MAPK10: variants seen among roughly 807,000 people sequenced by gnomAD.
MAPK10 encodes mitogen-activated protein kinase 10, also known as JNK3 alpha protein kinase.
Under a neutral mutation model 59.3 loss-of-function variants are expected in MAPK10, and 25 were observed. The ratio of observed to expected loss-of-function variants is 0.42; its 90% CI spans 0.31 to 0.59. MAPK10 has a LOEUF of 0.59. Ranked by LOEUF, MAPK10 falls within the 20% of genes least tolerant of loss-of-function variation. The pLI is 0.15. For synonymous variants in MAPK10, 190 were observed against 200.5 expected (o/e 0.95, Z 0.44); for missense variants, 351 against 568.9 (o/e 0.62, Z 3.90).
intron 1 of MAPK10, among the ~76,000 whole-genome samples, chr4:86,512,596 AAT>A (rs1756363072): frequency 6.6e-6 from 1 of 152,188 alleles, no homozygotes; most frequent in Non-Finnish European, 1.5e-5. Flanking sequence ...GAAAAGCTAT[AAT>A]ATATGTGTTA....
At chr4:86,140,835 A>G (rs1383380851) in intron 4 of MAPK10, among the ~76,000 whole-genome samples, 6 of 152,184 alleles carry the variant, frequency 3.9e-5, no homozygotes, top group African/African-American at 1.2e-4. Context: ...AGACTTAGTA[A>G]TTACTTCCCA....
At chr4:86,548,365 A>G (rs1463071744) in intron 1 of MAPK10, among the ~76,000 whole-genome samples, 1 of 152,150 alleles carries the variant, frequency 6.6e-6, no homozygotes, top group Non-Finnish European at 1.5e-5. Flanking sequence ...CACCTTTAAG[A>G]ACTGTAACAC....
intron 4 of MAPK10, among the ~76,000 whole-genome samples, chr4:86,114,159 A>C (rs1170933101): frequency 6.6e-6 from 1 of 152,200 alleles, no homozygotes; most frequent in African/African-American, 2.4e-5. Context: ...GGGTTAGAAC[A>C]TATTCCTTTA....
intron 1 of MAPK10, among the ~76,000 whole-genome samples, chr4:86,578,007 T>A (rs1022558895): frequency 6.6e-6 from 1 of 152,196 alleles, no homozygotes; most frequent in African/African-American, 2.4e-5. Context: ...TTAATACCTA[T>A]ATTAATAAGG....
At chr4:86,467,593 C>G (rs1752315737) in intron 1 of MAPK10, among the ~76,000 whole-genome samples, 1 of 152,094 alleles carries the variant, frequency 6.6e-6, no homozygotes, top group African/African-American at 2.4e-5. Context: ...AATCTTGGCT[C>G]ACTGCAACCT....
At chr4:86,375,782 A>C (rs1204756268) in intron 1 of MAPK10, among the ~76,000 whole-genome samples, 1 of 151,550 alleles carries the variant, frequency 6.6e-6, no homozygotes, top group African/African-American at 2.4e-5. Flanking sequence ...TAAATATAAC[A>C]GTCAAATAGA....
At chr4:86,576,021 G>GTGTA (rs1554284005) in intron 1 of MAPK10, among the ~76,000 whole-genome samples, 2 of 148,734 alleles carry the variant, frequency 1.3e-5, no homozygotes. Flanking sequence ...GTGTGTGTGT[G>GTGTA]TATTATATAT....
At chr4:86,567,460 T>C (rs1342218921) in intron 1 of MAPK10, among the ~76,000 whole-genome samples, 1 of 152,172 alleles carries the variant, frequency 6.6e-6, no homozygotes, top group Non-Finnish European at 1.5e-5. Context: ...CCTCAGGTGA[T>C]CCACCCGCCT....
At position 86,396,336 on chromosome 4, in the gene MAPK10, G is replaced by C. The variant is rs538042877; in HGVS notation, c.-121-41692C>G. Among the ~76,000 whole-genome samples the C allele has an allele frequency of 7.9e-5, 12 of 152,284 alleles. No individual in the cohort carries two copies. In the East Asian group the frequency reaches 1.9e-3, roughly 25 times the overall value. On this transcript the variant is annotated intron_variant, in intron 1 of 13. Transcript: ENST00000361569. ...CACTCCAGCCTGGGCAAGAGTGCGA[G>C]ACTCTGTCTCAAAAAAAAGAAAGAA...
chr4:86,439,056 C>A (rs1288680092), intron 1 of MAPK10, among the ~76,000 whole-genome samples: 2 of 152,046 alleles, frequency 1.3e-5, no homozygotes, highest in African/African-American at 4.8e-5. Flanking sequence ...ATGATATTTT[C>A]TTTTTCCTGT....
chr4:86,049,659 T>A (rs1380183841), intron 11 of MAPK10, among the ~76,000 whole-genome samples: 1 of 152,088 alleles, frequency 6.6e-6, no homozygotes, highest in East Asian at 1.9e-4. Context: ...ACTTTCACAT[T>A]TTTTTCCTTT....
chr4:86,373,140 C>A (rs72663972), intron 1 of MAPK10, among the ~76,000 whole-genome samples: 42,377 of 151,916 alleles, frequency 0.28, 6,674 homozygotes, highest in Non-Finnish European at 0.35. Context: ...ACAAACCTCA[C>A]AAAAATAAGC....
intron 1 of MAPK10, among the ~76,000 whole-genome samples, chr4:86,582,813 G>C (rs1289447196): frequency 6.6e-6 from 1 of 151,898 alleles, no homozygotes; most frequent in African/African-American, 2.4e-5. Flanking sequence ...TAAGATTTTT[G>C]CATTTTAGTT....
At chr4:86,326,441 C>G (rs1037412414) in intron 2 of MAPK10, 1 of 152,102 alleles carries the variant, frequency 6.6e-6, no homozygotes, top group African/African-American at 2.4e-5. Flanking sequence ...CAATGGCTTC[C>G]CTGAGAGATG....
intron 2 of MAPK10, among the ~76,000 whole-genome samples, chr4:86,272,012 C>A (rs779195241): frequency 1.3e-4 from 20 of 152,058 alleles, no homozygotes; most frequent in Non-Finnish European, 2.6e-4. Context: ...CTAGTAGTGT[C>A]CAGTGTCTAT....
At chr4:86,470,069 C>T (rs1444606281) in intron 1 of MAPK10, among the ~76,000 whole-genome samples, 1 of 152,170 alleles carries the variant, frequency 6.6e-6, no homozygotes, top group African/African-American at 2.4e-5. Flanking sequence ...CACTGCTTTG[C>T]AGCTTTGTTT....
At chr4:86,479,818 C>A (rs893851501) in intron 1 of MAPK10, among the ~76,000 whole-genome samples, 9 of 151,998 alleles carry the variant, frequency 5.9e-5, no homozygotes, top group Non-Finnish European at 7.4e-5. Flanking sequence ...GTATCCAGGC[C>A]ATCACCAATA....
At chr4:86,417,604 T>C (rs1293972819) in intron 1 of MAPK10, among the ~76,000 whole-genome samples, 29 of 152,238 alleles carry the variant, frequency 1.9e-4, no homozygotes, top group African/African-American at 2.4e-5. Flanking sequence ...TGAGGAGTTA[T>C]GTTTAATATC....
intron 1 of MAPK10, among the ~76,000 whole-genome samples, chr4:86,562,892 C>T (rs1327586534): frequency 6.6e-6 from 1 of 152,196 alleles, no homozygotes; most frequent in Admixed American, 6.5e-5. Context: ...TCATATGCCA[C>T]TTCTTCCATA....
Sources: allele counts gnomAD v4.1 joint callset (sites outside exome capture counted in the v4.1 genomes callset), GRCh38; gene constraint gnomAD v4.1.1; transcripts MANE v1.5; gene names NCBI Gene and HGNC (gene_info 2026-07-23, HGNC 2026-07-21).